The following GREB1 variants were observed in gnomAD, a reference collection of about 807,000 sequenced individuals.
The protein encoded by GREB1 is growth regulating estrogen receptor binding 1.
A neutral mutation model predicts 200.7 loss-of-function variants in GREB1; 106 were observed. That is an observed-to-expected ratio of 0.53 (90% CI 0.45 to 0.62). The LOEUF (loss-of-function observed/expected upper bound fraction) is 0.62, where lower values mean the gene tolerates loss of function less well. Ranked by LOEUF, GREB1 falls within the 20% of genes least tolerant of loss-of-function variation. GREB1 has a pLI of 0.00. For synonymous variants in GREB1, 1,132 were observed against 1,092.4 expected, an observed-to-expected ratio of 1.04 and a Z score of -0.72; for missense variants, 2,243 against 2,556.8, an observed-to-expected ratio of 0.88 and a Z score of 2.65.
At chr2:11,569,938 G>A (rs1678090472) in intron 4 of GREB1, among the ~76,000 whole-genome samples, 1 of 152,094 alleles carries the variant, frequency 6.6e-6, no homozygotes, top group African/African-American at 2.4e-5. Flanking sequence ...TTCAAACTAT[G>A]GAAGTACAGA....
chr2:11,517,207 G>C (rs1243583789), intron 1 of GREB1, among the ~76,000 whole-genome samples: 4 of 152,186 alleles, frequency 2.6e-5, no homozygotes, highest in African/African-American at 9.7e-5. Context: ...CCTGCCCTTT[G>C]CCTTCCAGCA....
In GREB1 at chr2:11,629,916, C is replaced by T. The variant is rs191885170; in HGVS notation, c.4450-32C>T. The T allele has an allele frequency of 1.3e-3, 2,124 of 1,606,860 alleles. 6 individuals carry two copies. The highest frequency in any genetic ancestry group is 2.8e-3 in the South Asian group (257 of 90,252). On this transcript the variant is annotated intron_variant, in intron 25 of 32. Transcript: ENST00000381486. The surrounding 1 kb of genome is among the most constrained non-coding windows in gnomAD (Gnocchi z 5.2). ...TTCTGGGAAGCAGGCCGGACTCTGACGGCAAGCTCTGTCCTTTCCCCCACA... is the reference window on the plus strand; with the variant it reads ...TTCTGGGAAGCAGGCCGGACTCTGATGGCAAGCTCTGTCCTTTCCCCCACA...
At chr2:11,610,213 A>T (rs1682793262) in intron 17 of GREB1, among the ~76,000 whole-genome samples, 1 of 152,214 alleles carries the variant, frequency 6.6e-6, no homozygotes, top group African/African-American at 2.4e-5. Flanking sequence ...ATTCACTGTG[A>T]TCGAAGTGAA....
chr2:11,626,244 GTC>G (rs1433170791), intron 24 of GREB1, among the ~76,000 whole-genome samples: 1 of 152,070 alleles, frequency 6.6e-6, no homozygotes, highest in African/African-American at 2.4e-5. Context: ...TCGTAGGCCA[GTC>G]TCTAATGAAG....
chr2:11,550,864 C>T (rs6718650), intron 1 of GREB1, among the ~76,000 whole-genome samples: 11,546 of 152,250 alleles, frequency 0.076, 444 homozygotes, highest in Middle Eastern at 0.099. Flanking sequence ...AATGCATGTT[C>T]TCCATCTGTC....
chr2:11,637,267 G>A (rs769120487), intron 30 of GREB1, among the ~76,000 whole-genome samples: 2 of 151,932 alleles, frequency 1.3e-5, no homozygotes, highest in Non-Finnish European at 2.9e-5. Context: ...AGCAGTGAGA[G>A]TCTGATTTAC....
chr2:11,637,409 G>T (rs957360358), intron 30 of GREB1, among the ~76,000 whole-genome samples: 1 of 152,128 alleles, frequency 6.6e-6, no homozygotes, highest in Non-Finnish European at 1.5e-5. Flanking sequence ...CCAGAGGCTT[G>T]CATCCCCCAG....
At chr2:11,638,432 C>T (rs1290613358) in intron 31 of GREB1, among the ~76,000 whole-genome samples, 1 of 152,184 alleles carries the variant, frequency 6.6e-6, no homozygotes, top group East Asian at 1.9e-4. Context: ...TGAGCCACCG[C>T]ACTCGGCCTA....
At chr2:11,635,071 C>A (rs1180962855) in intron 29 of GREB1, among the ~76,000 whole-genome samples, 199 bp from the exon 30 acceptor site, 1 of 152,214 alleles carries the variant, frequency 6.6e-6, no homozygotes, top group South Asian at 2.1e-4. Flanking sequence ...GCAGAGATGG[C>A]CCTGTCTGTC....
chr2:11,577,440 C>T (rs190303732), intron 5 of GREB1, among the ~76,000 whole-genome samples: 7 of 152,318 alleles, frequency 4.6e-5, no homozygotes, highest in Admixed American at 4.6e-4. Flanking sequence ...ACCAGCTTCA[C>T]GTTGCTGGTC....
At position 11,580,806 on chromosome 2, in the gene GREB1, T is replaced by G; in HGVS notation, c.875T>G (p.Leu292Trp). The change falls in exon 7 of 33, where the codon TTG (leucine) becomes TGG (tryptophan). Residue 292 changes from leucine to tryptophan, a missense_variant. By Grantham distance (61) the Leu-to-Trp change is moderately conservative. Around this residue, in one of 3 missense-constraint regions of GREB1, gnomAD observed 1,178 missense variants for 1,387.4 expected, o/e 0.85. Transcript: ENST00000381486. This position sits in a 1 kb window ranked among gnomAD's most constrained non-coding sequence, Gnocchi z 4.5. ...KCQQLAKNNL[L>W]ALPRPSALGI... ...CAACAACTGGCAAAGAATAACCTGT[T>G]GGCCCTGCCGCGACCATCGGCTTTA... The G allele has an allele frequency of 6.2e-7, 1 of 1,614,242 alleles. No homozygotes were observed. Among genetic ancestry groups the G allele is most frequent in the Admixed American group, 1.7e-5 (1 of 60,026 alleles).
chr2:11,539,030 TC>T (rs1431687020), intron 1 of GREB1, among the ~76,000 whole-genome samples: 1 of 40,330 alleles, frequency 2.5e-5, no homozygotes, highest in Admixed American at 3.4e-4. Flanking sequence ...TCTCTTCTCT[TC>T]TCTTCTCTTC....
intron 1 of GREB1, among the ~76,000 whole-genome samples, chr2:11,507,396 A>G (rs2006855): frequency 0.98 from 139,938 of 142,626 alleles, 68,675 homozygotes; most frequent in South Asian, 1. Flanking sequence ...GCAACAGAGC[A>G]AGACTCCAAA....
chr2:11,581,023 A>G (rs1240906861), intron 7 of GREB1, 191 bp downstream of exon 7: 1 of 733,088 alleles, frequency 1.4e-6, no homozygotes, highest in Non-Finnish European at 2.5e-6. Flanking sequence ...GTGCTCTATG[A>G]GTGACACTTG....
At chr2:11,614,699 G>A (rs1293485550) in intron 19 of GREB1, among the ~76,000 whole-genome samples, 1 of 152,106 alleles carries the variant, frequency 6.6e-6, no homozygotes, top group Admixed American at 6.5e-5. Context: ...GAGTAGCTGG[G>A]ACTACAGGCG....
chr2:11,607,609 TACACATATATGC>T (rs1558625583), intron 17 of GREB1, among the ~76,000 whole-genome samples: 218 of 16,264 alleles, frequency 0.013, 1 homozygote, highest in African/African-American at 0.035. Context: ...TATACATATA[TACACATATATGC>T]ATATATATAC....
At position 11,580,652 on chromosome 2, in the gene GREB1, C is replaced by T; in HGVS notation, c.773-52C>T. The T allele has an allele frequency of 6.5e-7, 1 of 1,547,082 alleles. No individual in the cohort carries two copies. The highest frequency in any genetic ancestry group is 8.7e-7 in the Non-Finnish European group (1 of 1,145,174). ...AAATGATTTCCTCCTTGCCTGGCTC[C>T]CAGGGCATTCTTGTGAACTGACCCT... On this transcript the variant is annotated intron_variant, in intron 6 of 32. Coordinates refer to ENST00000381486, the MANE Select transcript of GREB1 (RefSeq NM_014668.4). This position sits in a 1 kb window ranked among gnomAD's most constrained non-coding sequence, Gnocchi z 4.5.
intron 1 of GREB1, among the ~76,000 whole-genome samples, chr2:11,488,235 G>A (rs897460556): frequency 1.3e-5 from 2 of 152,086 alleles, no homozygotes; most frequent in African/African-American, 4.8e-5. Context: ...GTGGTTTAAC[G>A]AGCCTCTCCA....
intron 1 of GREB1, among the ~76,000 whole-genome samples, chr2:11,483,685 GGGGTGTGTGTGTGT>G (rs1343101320): frequency 2.0e-4 from 20 of 102,146 alleles, no homozygotes; most frequent in African/African-American, 6.8e-4. Flanking sequence ...AGTACAAGAA[GGGGTGTGTGTGTGT>G]GTGTGTGTGT....
Sources: gnomAD v4.1 joint callset for allele counts (sites outside exome capture counted in the v4.1 genomes callset) on GRCh38, gnomAD v4.1.1 for gene constraint, gnomAD v4.1.1 regional missense constraint, Gnocchi (gnomAD v3.1) non-coding constraint, MANE v1.5 for transcripts, NCBI Gene and HGNC (gene_info 2026-07-23, HGNC 2026-07-21) for gene names.